The following POSTN variants were observed in gnomAD, a reference collection of about 807,000 sequenced individuals.
POSTN encodes osteoblast specific factor 2 (fasciclin I-like).
A neutral mutation model predicts 104.5 loss-of-function variants in POSTN; 71 were observed. The ratio of observed to expected loss-of-function variants is 0.68; its 90% confidence interval spans 0.56 to 0.83. The LOEUF (loss-of-function observed/expected upper bound fraction) is 0.83, where lower values mean the gene tolerates loss of function less well. Ranked by LOEUF, POSTN falls within the 40% of genes least tolerant of loss-of-function variation. POSTN has a pLI of 0.00. For synonymous variants in POSTN, 355 were observed against 340.7 expected, an observed-to-expected ratio of 1.04 and a Z score of -0.46; for missense variants, 949 against 1,006.8, an observed-to-expected ratio of 0.94 and a Z score of 0.78.
At position 37,568,328 on chromosome 13, in the gene POSTN, A is replaced by T. The variant is rs140459812; in HGVS notation, c.2431+972T>A. On this transcript the variant is annotated intron_variant, in intron 21 of 22. Coordinates refer to ENST00000379747, the MANE Select transcript of POSTN (RefSeq NM_006475.3). ...GATTTTACGTTTATTAAACTACAGA[A>T]TATAGAAATAATAATTGCTAAAAAT... Among the ~76,000 whole-genome samples, 956 of 152,252 alleles carry T rather than the reference A, an allele frequency of 6.3e-3. 8 individuals carry two copies. Among genetic ancestry groups the T allele is most frequent in the African/African-American group, 0.022 (906 of 41,574 alleles).
At chr13:37,578,129 G>C (rs926641221) in intron 15 of POSTN, among the ~76,000 whole-genome samples, 1 of 152,138 alleles carries the variant, frequency 6.6e-6, no homozygotes, top group Non-Finnish European at 1.5e-5. Flanking sequence ...TCTGTGATGA[G>C]TGACAATTTT....
intron 22 of POSTN, 122 bp downstream of exon 22, chr13:37,564,397 G>T: frequency 3.3e-6 from 2 of 609,058 alleles, no homozygotes; most frequent in Non-Finnish European, 2.9e-6. Flanking sequence ...AAACTGGCTA[G>T]CTTTTCTCTC....
intron 20 of POSTN, 57 bp downstream of exon 20, chr13:37,569,687 A>G: frequency 8.2e-7 from 1 of 1,224,374 alleles, no homozygotes; most frequent in East Asian, 2.3e-5. Context: ...GTTATTTTAG[A>G]CTTGTATATG....
chr13:37,566,322 T>C (rs1019906757), intron 21 of POSTN, among the ~76,000 whole-genome samples: 1 of 152,192 alleles, frequency 6.6e-6, no homozygotes, highest in Non-Finnish European at 1.5e-5. Flanking sequence ...CTCAATTATT[T>C]TGACATTTTA....
chr13:37,580,567 C>T lies in POSTN; in HGVS notation c.1523G>A (p.Arg508His), dbSNP rs200308301. The T allele has an allele frequency of 3.7e-6, 6 of 1,613,968 alleles. No homozygotes were observed. The highest frequency in any genetic ancestry group is 2.2e-5 in the East Asian group (1 of 44,854). ...GTGCCACTAATAGGCTTACCTAAAG[C>T]GCTTATCTTGTTTTAACTTTTCATG... ...SLHEKLKQDK[R>H]FSTFLSLLEA... Residue 508 changes from arginine (R) to histidine (H), a missense_variant, in exon 11 of 23, where the codon CGC (arginine) becomes CAC (histidine). By Grantham distance (29) the Arg-to-His change is conservative. Coordinates refer to ENST00000379747, the MANE Select transcript of POSTN (RefSeq NM_006475.3).
intron 15 of POSTN, among the ~76,000 whole-genome samples, chr13:37,578,386 G>A (rs1048188498): frequency 6.6e-6 from 1 of 152,118 alleles, no homozygotes; most frequent in South Asian, 2.1e-4. Context: ...AGGTGGGTCA[G>A]TGGTACATAA....
intron 16 of POSTN, 38 bp from the exon 17 acceptor site, chr13:37,574,690 A>G (rs1950355895): frequency 1.3e-6 from 2 of 1,548,402 alleles, no homozygotes; most frequent in Non-Finnish European, 1.7e-6. Context: ...AAATATTTAC[A>G]TAAAAACCTG....
chr13:37,586,308 C>T (rs758959739), intron 6 of POSTN, 28 bp from the exon 7 acceptor site: 21 of 1,594,960 alleles, frequency 1.3e-5, no homozygotes, highest in Non-Finnish European at 1.8e-5. Context: ...TTTTCAGAGA[C>T]TTTCACATTG....
At chr13:37,584,604 G>T in intron 8 of POSTN, 112 bp downstream of exon 8, 2 of 856,184 alleles carry the variant, frequency 2.3e-6, no homozygotes, top group South Asian at 1.7e-5. Context: ...TGCTTTGCAT[G>T]CCATTCTTTA....
At chr13:37,572,056 A>G (rs1384763990) in intron 17 of POSTN, among the ~76,000 whole-genome samples, 1 of 151,682 alleles carries the variant, frequency 6.6e-6, no homozygotes, top group Non-Finnish European at 1.5e-5. Context: ...ACCAGTTAAT[A>G]GTTAAACAGT....
At chr13:37,569,221 T>C in intron 21 of POSTN, 79 bp downstream of exon 21, 2 of 994,210 alleles carry the variant, frequency 2.0e-6, no homozygotes, top group South Asian at 1.5e-5. Flanking sequence ...AAAGAAAAAA[T>C]CTGCTTGCTC....
In POSTN at chr13:37,564,526, T is replaced by C; in HGVS notation, c.2466A>G (p.Lys822=). 1 of 1,596,994 alleles carries C rather than the reference T, an allele frequency of 6.3e-7. No individual in the cohort carries two copies. Among genetic ancestry groups the C allele is most frequent in the Non-Finnish European group, 8.6e-7 (1 of 1,166,454 alleles). ...TATAGCCAATACACTTACCTTGAACTTTTTTGTTGGCTTGCAACTTCCTCA... is the reference window on the plus strand; with the variant it reads ...TATAGCCAATACACTTACCTTGAACCTTTTTGTTGGCTTGCAACTTCCTCA... ...TPVRKLQANK[K]VQGSRRRLRE... Residue 822 remains lysine (K), a synonymous_variant, in exon 22 of 23, where the codon AAA becomes AAG. Coordinates refer to ENST00000379747, the MANE Select transcript of POSTN (RefSeq NM_006475.3).
In POSTN at chr13:37,574,761, G is replaced by A. The variant is rs1305289374; in HGVS notation, c.2009-109C>T. 4.5e-6 allele frequency: 6 copies of A among 1,335,490 alleles called. No individual in the cohort carries two copies. The East Asian group carries it at 1.3e-4, about 30-fold the overall frequency. 82.7% of individuals were successfully genotyped at this position (1,335,490 alleles called of 1,614,324 possible). On this transcript the variant is annotated intron_variant, in intron 16 of 22. Coordinates refer to ENST00000379747, the MANE Select transcript of POSTN (RefSeq NM_006475.3). ...GTCTCTGTAGGATACTAAGGCACAG[G>A]ATGTGGTAATATGTTCAGGCAGTCA...
At chr13:37,563,767 A>G (rs1326606756) in intron 22 of POSTN, among the ~76,000 whole-genome samples, 1 of 151,974 alleles carries the variant, frequency 6.6e-6, no homozygotes, top group Non-Finnish European at 1.5e-5. Flanking sequence ...CTAGTATCTA[A>G]TTAACCCAGA....
At chr13:37,571,569 G>T in intron 17 of POSTN, 111 bp from the exon 18 acceptor site, 1 of 716,120 alleles carries the variant, frequency 1.4e-6, no homozygotes, top group Non-Finnish European at 2.3e-6. Context: ...ATGTCAAAGT[G>T]GTTTCAGGCT....
intron 1 of POSTN, among the ~76,000 whole-genome samples, chr13:37,597,907 T>G (rs1303956875): frequency 6.6e-6 from 1 of 152,168 alleles, no homozygotes; most frequent in Non-Finnish European, 1.5e-5. Context: ...GACAGAAGTC[T>G]TTTTTCACTG....
chr13:37,594,482 C>A (rs1311309585), intron 2 of POSTN, among the ~76,000 whole-genome samples: 1 of 150,830 alleles, frequency 6.6e-6, no homozygotes. Context: ...TTATGCTACC[C>A]AAAACTCAAT....
intron 2 of POSTN, among the ~76,000 whole-genome samples, chr13:37,592,768 A>C (rs1404166532): frequency 6.6e-6 from 1 of 152,164 alleles, no homozygotes; most frequent in Non-Finnish European, 1.5e-5. Context: ...CTGTTTCCCC[A>C]AGCATTTAAC....
In POSTN at chr13:37,589,971, C is replaced by T. The variant is rs1010107343; in HGVS notation, c.441+401G>A. On this transcript the variant is annotated intron_variant, in intron 4 of 22. Transcript: ENST00000379747. Reference sequence around the variant, plus strand: ...ATATATATACATATAATTAAACATACGTAATAAAATATTGCTGTATAATAC... The same window carrying T: ...ATATATATACATATAATTAAACATATGTAATAAAATATTGCTGTATAATAC... Among the ~76,000 whole-genome samples, 81 of 151,958 alleles carry T rather than the reference C, an allele frequency of 5.3e-4. 1 individual carries two copies. Among genetic ancestry groups the T allele is most frequent in the African/African-American group, 1.9e-3 (78 of 41,364 alleles).
Sources: gnomAD v4.1 joint callset for allele counts (sites outside exome capture counted in the v4.1 genomes callset) on GRCh38, gnomAD v4.1.1 for gene constraint, MANE v1.5 for transcripts, NCBI Gene and HGNC (gene_info 2026-07-23, HGNC 2026-07-21) for gene names.